Variants in TACC2 observed in about 807,000 individuals in gnomAD.
The protein encoded by TACC2 is transforming acidic coiled-coil-containing protein 2.
Under a neutral mutation model 227.3 loss-of-function variants are expected in TACC2, and 137 were observed. That is an observed-to-expected ratio of 0.60 (90% CI 0.52 to 0.69). The LOEUF is 0.69. Ranked by LOEUF, TACC2 falls within the 30% of genes least tolerant of loss-of-function variation. The probability of loss-of-function intolerance (pLI) is 0.00; values close to 1 mark genes in which losing one functional copy is unlikely to be tolerated. For missense variants in TACC2, 3,470 were observed against 3,694.4 expected, an observed-to-expected ratio of 0.94 and a Z score of 1.57; for synonymous variants, 1,523 against 1,487.5, an observed-to-expected ratio of 1.02 and a Z score of -0.55.
At chr10:121,993,871 T>C (rs947529912) in intron 1 of TACC2, among the ~76,000 whole-genome samples, 3 of 152,156 alleles carry the variant, frequency 2.0e-5, no homozygotes, top group Non-Finnish European at 2.9e-5. Context: ...TGAGCTCAAG[T>C]GATTTGCCCT....
chr10:121,991,336 A>C (rs888398118), intron 1 of TACC2, among the ~76,000 whole-genome samples: 1 of 152,216 alleles, frequency 6.6e-6, no homozygotes, highest in African/African-American at 2.4e-5. Flanking sequence ...CAGGAGCTCT[A>C]AGCATTGCCT....
At chr10:122,200,119 G>A (rs968388194) in intron 8 of TACC2, among the ~76,000 whole-genome samples, 3 of 152,206 alleles carry the variant, frequency 2.0e-5, no homozygotes, top group Non-Finnish European at 4.4e-5. Flanking sequence ...TGGGCCGGCT[G>A]CTCCCTCTTC....
chr10:122,143,437 G>C lies in TACC2; in HGVS notation c.5700-135G>C. ...AGTGGAGGCCTGGATGGGGAAGCCG[G>C]GGAGCCAAGTGCTGGGGTTTAAAGA... On this transcript the variant is annotated intron_variant, in intron 6 of 22. Coordinates refer to ENST00000369005, the MANE Select transcript of TACC2 (RefSeq NM_206862.4). 3 of 957,788 alleles carry C rather than the reference G, an allele frequency of 3.1e-6. No homozygotes were observed. In the South Asian group the frequency reaches 5.1e-5, roughly 16 times the overall value. 59.3% of individuals were successfully genotyped at this position (957,788 alleles called of 1,614,324 possible).
At chr10:122,151,315 G>A (rs932377905) in intron 7 of TACC2, among the ~76,000 whole-genome samples, 44 of 152,136 alleles carry the variant, frequency 2.9e-4, no homozygotes, top group Non-Finnish European at 5.3e-4. Flanking sequence ...CAGAGGAGGC[G>A]GCATCACCAC....
intron 7 of TACC2, among the ~76,000 whole-genome samples, chr10:122,189,968 T>G (rs2094351497): frequency 6.6e-6 from 1 of 152,248 alleles, no homozygotes; most frequent in Admixed American, 6.5e-5. Flanking sequence ...TTCCAAGATT[T>G]TATGGCCTTT....
intron 5 of TACC2, among the ~76,000 whole-genome samples, chr10:122,101,428 T>C (rs1009813022): frequency 6.6e-6 from 1 of 152,050 alleles, no homozygotes; most frequent in South Asian, 2.1e-4. Flanking sequence ...GTTTGTAGAA[T>C]GATTGTGTTT....
chr10:122,161,619 G>A (rs1437109433), intron 7 of TACC2, among the ~76,000 whole-genome samples: 2 of 152,224 alleles, frequency 1.3e-5, no homozygotes, highest in African/African-American at 2.4e-5. Context: ...TCTTGTTATC[G>A]CAGCAGAACC....
intron 14 of TACC2, 55 bp downstream of exon 14, chr10:122,228,063 G>A (rs1156791020): frequency 1.9e-5 from 29 of 1,552,200 alleles, no homozygotes; most frequent in South Asian, 8.3e-5. Flanking sequence ...GGCCAGCTGC[G>A]TATTGTCACC....
At chr10:122,073,668 C>G (rs10788236) in intron 3 of TACC2, among the ~76,000 whole-genome samples, 1 of 152,154 alleles carries the variant, frequency 6.6e-6, no homozygotes, top group African/African-American at 2.4e-5. Context: ...TGTTGACTCA[C>G]GAGGCACAGT....
chr10:122,189,249 A>G (rs75401967), intron 7 of TACC2, among the ~76,000 whole-genome samples: 1,939 of 152,308 alleles, frequency 0.013, 46 homozygotes, highest in African/African-American at 0.044. Context: ...TTTGTTGAAT[A>G]GAATCTAGCA....
rs11596640 is a variant in TACC2, at chr10:122,123,835, C to T, written c.5574-8774C>T. Among the ~76,000 whole-genome samples the T allele has an allele frequency of 4.7e-3, 426 of 91,218 alleles. 4 individuals carry two copies. Among genetic ancestry groups the T allele is most frequent in the Admixed American group, 8.9e-3 (63 of 7,062 alleles). The allele number at this position is 91,218 out of a possible 152,430, so 59.8% of individuals were successfully genotyped here. ...TTTTTTTTTTTTTTTTTTTTTGAGG[C>T]GGAGTTTCACTCTTCTTGCCCAGGC... On this transcript the variant is annotated intron_variant, in intron 5 of 22. Transcript: ENST00000369005.
chr10:122,197,602 G>A (rs185082826), intron 8 of TACC2, among the ~76,000 whole-genome samples: 61 of 152,368 alleles, frequency 4.0e-4, no homozygotes, highest in African/African-American at 1.4e-3. Flanking sequence ...CACCAGGGAA[G>A]GGGATGGAAA....
intron 5 of TACC2, among the ~76,000 whole-genome samples, chr10:122,128,762 T>C (rs929503344): frequency 6.6e-6 from 1 of 152,226 alleles, no homozygotes; most frequent in Non-Finnish European, 1.5e-5. Context: ...AAAGTAGATA[T>C]AAATTTCATT....
intron 5 of TACC2, among the ~76,000 whole-genome samples, chr10:122,093,537 C>T (rs1253227713): frequency 2.0e-5 from 3 of 152,198 alleles, no homozygotes; most frequent in Non-Finnish European, 4.4e-5. Context: ...AGACCTCACC[C>T]CCGATTTTAT....
chr10:122,192,539 C>T (rs989584661), intron 7 of TACC2: 10 of 381,414 alleles, frequency 2.6e-5, no homozygotes, highest in East Asian at 7.4e-5. Flanking sequence ...GGCCTCCGGA[C>T]GCTGGAGAAG....
chr10:122,218,529 T>C (rs984276672), intron 11 of TACC2, among the ~76,000 whole-genome samples: 27 of 152,230 alleles, frequency 1.8e-4, no homozygotes, highest in African/African-American at 5.5e-4. Context: ...TTATGGTAGA[T>C]CTATTTCATG....
chr10:121,997,640 G>A (rs1162726825), intron 1 of TACC2, among the ~76,000 whole-genome samples: 1 of 152,078 alleles, frequency 6.6e-6, no homozygotes, highest in African/African-American at 2.4e-5. Flanking sequence ...CAACGTGGCT[G>A]CTCAAGTGTG....
intron 1 of TACC2, among the ~76,000 whole-genome samples, chr10:122,020,328 G>GTGTT (rs1565084862): frequency 6.6e-6 from 1 of 151,952 alleles, no homozygotes; most frequent in African/African-American, 2.4e-5. Context: ...GTGTGTGTGT[G>GTGTT]TGTGTGTGTG....
chr10:122,006,175 A>C (rs576967176), intron 1 of TACC2, among the ~76,000 whole-genome samples: 1 of 152,158 alleles, frequency 6.6e-6, no homozygotes, highest in Non-Finnish European at 1.5e-5. Context: ...CTGGCCAGGC[A>C]CGGTGGCTCA....
Sources: allele counts gnomAD v4.1 joint callset (sites outside exome capture counted in the v4.1 genomes callset), GRCh38; gene constraint gnomAD v4.1.1; transcripts MANE v1.5; gene names NCBI Gene and HGNC (gene_info 2026-07-23, HGNC 2026-07-21).